The following LIMCH1 variants were observed in gnomAD, a reference collection of about 807,000 sequenced individuals.
The protein encoded by LIMCH1 is LIM and calponin homology domains-containing protein 1.
A neutral mutation model predicts 176.5 loss-of-function variants in LIMCH1; 113 were observed. That is an observed-to-expected ratio of 0.64 (90% CI 0.55 to 0.75). The LOEUF (loss-of-function observed/expected upper bound fraction) is 0.75. LIMCH1 is among the 30% of genes least tolerant of loss of function. The pLI, the probability that LIMCH1 is intolerant of heterozygous loss-of-function variation, is 0.00. For missense variants in LIMCH1, 1,674 were observed against 1,814.9 expected (o/e 0.92, Z 1.41); for synonymous variants, 619 against 645.9 (o/e 0.96, Z 0.63).
chr4:41,573,124 A>G (rs984873897), intron 1 of LIMCH1, among the ~76,000 whole-genome samples: 9 of 152,196 alleles, frequency 5.9e-5, no homozygotes, highest in African/African-American at 1.7e-4. Context: ...TCCTCTTTCT[A>G]TGCACCAGTG....
At chr4:41,662,178 CA>C (rs1473616944) in intron 19 of LIMCH1, among the ~76,000 whole-genome samples, 2 of 152,138 alleles carry the variant, frequency 1.3e-5, no homozygotes, top group African/African-American at 4.8e-5. Context: ...TTTTAGGTAA[CA>C]TTTTTAAATA....
intron 3 of LIMCH1, among the ~76,000 whole-genome samples, chr4:41,532,109 A>G (rs1055308492): frequency 6.6e-6 from 1 of 152,232 alleles, no homozygotes; most frequent in Non-Finnish European, 1.5e-5. Context: ...CCAAGCCAAC[A>G]TAGGAGTGAT....
intron 27 of LIMCH1, 37 bp from the exon 28 acceptor site, chr4:41,685,673 A>T (rs769696811): frequency 6.2e-7 from 1 of 1,610,790 alleles, no homozygotes; most frequent in East Asian, 2.2e-5. Context: ...AGGTGATTTT[A>T]CTGTGCACTA....
rs1023155392 is a variant in LIMCH1 at position 41,591,944 on chromosome 4, T to C, written c.-240-6976T>C. Among the ~76,000 whole-genome samples, 59 of 152,174 alleles carry C rather than the reference T, an allele frequency of 3.9e-4. 1 individual carries two copies. Among genetic ancestry groups the C allele is most frequent in the Non-Finnish European group, 8.8e-5 (6 of 68,026 alleles). On this transcript the variant is annotated intron_variant, in intron 1 of 31. Transcript: ENST00000503057. ...AAAGCTGCTTGCTCTGTGCAGGAGA[T>C]AAAGGAAAGAGAGAAACCTTTTTGC...
At chr4:41,415,603 G>C (rs750690920) in intron 1 of LIMCH1, among the ~76,000 whole-genome samples, 2 of 152,148 alleles carry the variant, frequency 1.3e-5, no homozygotes, top group Non-Finnish European at 2.9e-5. Flanking sequence ...AGCATCACCA[G>C]CTCTGTGATG....
chr4:41,620,789 T>TA (rs2092513386), intron 7 of LIMCH1, 99 bp downstream of exon 7: 1 of 1,322,590 alleles, frequency 7.6e-7, no homozygotes, highest in Non-Finnish European at 1.0e-6. Flanking sequence ...TTTTTCCACT[T>TA]CCCGCTTTTC....
intron 1 of LIMCH1, among the ~76,000 whole-genome samples, chr4:41,467,158 T>TACACACAC (rs148147336): frequency 1.1e-3 from 160 of 143,540 alleles, no homozygotes; most frequent in Middle Eastern, 3.5e-3. Context: ...TATGTATATA[T>TACACACAC]ACACACACAC....
rs1166035109 is a variant in LIMCH1, at chr4:41,470,166, C to T, written c.97-24370C>T. Among the ~76,000 whole-genome samples, 10 of 152,206 alleles carry T rather than the reference C, an allele frequency of 6.6e-5. No individual in the cohort carries two copies. The East Asian group carries it at 1.9e-3, about 29-fold the overall frequency. ...TCAGTTCACCATCCTCACTCTTCACCTTTTTCTTTCCTCAAACCTCCAACA... is the reference window on the plus strand; with the variant it reads ...TCAGTTCACCATCCTCACTCTTCACTTTTTTCTTTCCTCAAACCTCCAACA... On this transcript the variant is annotated intron_variant, in intron 1 of 26. Coordinates refer to the LIMCH1 transcript ENST00000313860.
intron 1 of LIMCH1, among the ~76,000 whole-genome samples, chr4:41,429,103 G>T (rs939590748): frequency 2.6e-5 from 4 of 152,228 alleles, no homozygotes; most frequent in African/African-American, 9.6e-5. Context: ...AGCCGAGGGA[G>T]AGTGGTGCTT....
At chr4:41,661,799 A>G in intron 19 of LIMCH1, 1 of 394,962 alleles carries the variant, frequency 2.5e-6, no homozygotes, top group Non-Finnish European at 4.6e-6. Flanking sequence ...TTCCATATAA[A>G]TCATGCTAAA....
chr4:41,424,369 A>G (rs960084755), intron 1 of LIMCH1, among the ~76,000 whole-genome samples: 3 of 152,198 alleles, frequency 2.0e-5, no homozygotes, highest in Admixed American at 1.3e-4. Context: ...AACCACCTGA[A>G]TTACAGTTAA....
chr4:41,476,127 A>G (rs6834608), intron 1 of LIMCH1, among the ~76,000 whole-genome samples: 75,404 of 151,956 alleles, frequency 0.5, 22,256 homozygotes, highest in African/African-American at 0.84. Context: ...ATGAGCTCTC[A>G]CACCTGGCCC....
At chr4:41,629,927 T>C (rs985453330) in intron 9 of LIMCH1, among the ~76,000 whole-genome samples, 193 bp downstream of exon 9, 9 of 151,708 alleles carry the variant, frequency 5.9e-5, no homozygotes, top group African/African-American at 2.2e-4. Context: ...TCCCTCAGCC[T>C]CTTGAATAGC....
intron 25 of LIMCH1, 36 bp from the exon 26 acceptor site, chr4:41,682,297 A>G (rs750265118): frequency 6.4e-7 from 1 of 1,563,272 alleles, no homozygotes; most frequent in Non-Finnish European, 8.8e-7. Context: ...TGTTTTTAAA[A>G]TTTATACTTA....
Position 41,419,697 on chromosome 4 carries a change from T to TTCC in LIMCH1, c.96+58763_96+58765dup, listed in dbSNP as rs1284725464. ...CCTTCCTTCCTCCTTCCTTCCTTCC[T>TTCC]TCCTTCCTTCCTTCCTTCCTTCCTC... On this transcript the variant is annotated intron_variant, in intron 1 of 26. Transcript: ENST00000313860. Among the ~76,000 whole-genome samples the TTCC allele has an allele frequency of 1.0e-4, 9 of 88,404 alleles. 2 individuals are homozygous for TTCC. The highest frequency in any genetic ancestry group is 4.8e-4 in the African/African-American group (9 of 18,648). 58.0% of individuals were successfully genotyped at this position (88,404 alleles called of 152,430 possible). A position where few individuals can be genotyped will look rare whatever the true frequency, so the allele number is the denominator to read the frequency against.
In LIMCH1 at chr4:41,629,466, TGTGGGG is replaced by T; in HGVS notation, c.1029-24_1029-19del. 2.0e-6 allele frequency: 3 copies of T among 1,534,570 alleles called. No homozygotes were observed. The highest frequency in any genetic ancestry group is 1.7e-6 in the Non-Finnish European group (2 of 1,146,050). On this transcript the variant is annotated intron_variant, in intron 8 of 31. Transcript: ENST00000503057. ...TCCTTGAACTTGATTTTTCCATTGG[TGTGGGG>T]GCCCGGATCAAATGGACAGAAACCA... is the stretch of plus-strand genomic sequence containing the variant.
At chr4:41,668,635 A>T (rs2153001425) in intron 21 of LIMCH1, among the ~76,000 whole-genome samples, 1 of 152,350 alleles carries the variant, frequency 6.6e-6, no homozygotes, top group South Asian at 2.1e-4. Flanking sequence ...GAGTACTGAA[A>T]CATTTCAAAA....
chr4:41,612,648 G>A (rs2091572652), intron 4 of LIMCH1: 1 of 702,476 alleles, frequency 1.4e-6, no homozygotes. Context: ...GAGTTTCAGT[G>A]TTTTAGTATG....
chr4:41,598,995 C>A lies in LIMCH1; in HGVS notation c.-165C>A, dbSNP rs746683206. 6.2e-7 allele frequency: 1 copy of A among 1,610,698 alleles called. No homozygotes were observed. Among genetic ancestry groups the A allele is most frequent in the African/African-American group, 1.3e-5 (1 of 74,922 alleles). On this transcript the variant is annotated 5_prime_UTR_variant, in exon 2 of 32. Coordinates refer to ENST00000503057, the MANE Select transcript of LIMCH1 (RefSeq NM_001330672.2). ...ATCTCAACTTTTTGACCCGAGTGACCTCCAGGATACATCCAACAGAGTAAC... is the reference window on the plus strand; with the variant it reads ...ATCTCAACTTTTTGACCCGAGTGACATCCAGGATACATCCAACAGAGTAAC...
Sources: gnomAD v4.1 joint callset for allele counts (sites outside exome capture counted in the v4.1 genomes callset) on GRCh38, gnomAD v4.1.1 for gene constraint, MANE v1.5 for transcripts, NCBI Gene and HGNC (gene_info 2026-07-23, HGNC 2026-07-21) for gene names.